The following GSDMC variants were observed in gnomAD, a reference collection of about 807,000 sequenced individuals.
The protein encoded by GSDMC is gasdermin-C.
GSDMC carries 59 observed loss-of-function variants against 58.0 expected under a neutral mutation model. That is an observed-to-expected ratio of 1.02 (90% CI 0.82 to 1.26). The LOEUF (loss-of-function observed/expected upper bound fraction) is 1.26, where lower values mean the gene tolerates loss of function less well. GSDMC is among the 50% of genes most tolerant of loss of function. GSDMC has a pLI of 0.00. For synonymous variants in GSDMC, 241 were observed against 220.2 expected (o/e 1.09, Z -0.83); for missense variants, 659 against 598.5 (o/e 1.10, Z -1.06).
At chr8:129,719,367 T>C in the GSDMC span, among the ~76,000 whole-genome samples, 13 of 152,132 alleles carry the variant, frequency 8.5e-5, no homozygotes, top group Non-Finnish European at 1.0e-4. Context: ...AATTTCAAAA[T>C]ACCTGAAGTA....
intron 2 of GSDMC, 64 bp from the exon 3 acceptor site, chr8:129,776,349 C>G: frequency 7.7e-7 from 1 of 1,290,444 alleles, no homozygotes; most frequent in Non-Finnish European, 1.1e-6. Context: ...AAAGGTTTAG[C>G]CAAGAACAGC....
intron 1 of GSDMC, among the ~76,000 whole-genome samples, chr8:129,782,426 T>A (rs2034441433): frequency 6.6e-6 from 1 of 151,648 alleles, no homozygotes; most frequent in Non-Finnish European, 1.5e-5. Context: ...GAAATGAAAG[T>A]TGCTTTGTTG....
the GSDMC span, among the ~76,000 whole-genome samples, chr8:129,732,787 G>T: frequency 1.3e-5 from 2 of 152,196 alleles, no homozygotes; most frequent in African/African-American, 2.4e-5. Context: ...TGAGGTACCT[G>T]GTTCATCTCA....
intron 5 of GSDMC, 87 bp from the exon 6 acceptor site, chr8:129,760,676 C>A: frequency 1.4e-6 from 1 of 736,512 alleles, no homozygotes; most frequent in Non-Finnish European, 2.4e-6. Context: ...ATCAAAACCA[C>A]TGGGATGCCT....
rs191148198 is a variant in GSDMC, at chr8:129,783,131, G to A, written c.-5+2880C>T. ...CCACGTGATCATTTCCATTAATGCT[G>A]AAAAAGCACTTGATAAAACTCAATA... On this transcript the variant is annotated intron_variant, in intron 1 of 13. Transcript: ENST00000276708. Among the ~76,000 whole-genome samples the A allele has an allele frequency of 1.7e-3, 266 of 152,172 alleles. 2 individuals carry two copies. Among genetic ancestry groups the A allele is most frequent in the African/African-American group, 6.0e-3 (249 of 41,524 alleles).
At chr8:129,761,119 G>T (rs143360603) in intron 5 of GSDMC, among the ~76,000 whole-genome samples, 1 of 152,154 alleles carries the variant, frequency 6.6e-6, no homozygotes, top group African/African-American at 2.4e-5. Flanking sequence ...GACTACTAGC[G>T]GGGAGAGTGG....
chr8:129,762,508 T>C lies in GSDMC; in HGVS notation c.676+118A>G, dbSNP rs190604232. 1.5e-5 allele frequency: 11 copies of C among 728,942 alleles called. No homozygotes were observed. In the East Asian group the frequency reaches 2.7e-4, roughly 18 times the overall value. 45.2% of individuals were successfully genotyped at this position (728,942 alleles called of 1,614,324 possible). On this transcript the variant is annotated intron_variant, in intron 5 of 13. Transcript: ENST00000276708. ...CAGTAAGAAATGTGCATGCTTCTCC[T>C]TGGATAGGCAGAGCATCAAAGGTTG... is the stretch of plus-strand genomic sequence containing the variant.
At chr8:129,768,114 C>T (rs934152095) in intron 3 of GSDMC, among the ~76,000 whole-genome samples, 2 of 152,194 alleles carry the variant, frequency 1.3e-5, no homozygotes, top group African/African-American at 4.8e-5. Flanking sequence ...GCACAGCCAG[C>T]AGTTCCACCT....
intron 1 of GSDMC, 70 bp from the exon 2 acceptor site, chr8:129,777,661 A>C (rs954619755): frequency 1.4e-5 from 11 of 803,718 alleles, no homozygotes; most frequent in South Asian, 1.1e-4. Flanking sequence ...CCAATTATTG[A>C]TATTTCCCCT....
the GSDMC span, among the ~76,000 whole-genome samples, chr8:129,732,074 G>A: frequency 6.6e-6 from 1 of 152,140 alleles, no homozygotes; most frequent in East Asian, 1.9e-4. Context: ...GCATCAAGAG[G>A]TGGGGCCTTT....
the GSDMC span, among the ~76,000 whole-genome samples, chr8:129,742,634 G>T: frequency 1.3e-5 from 2 of 152,146 alleles, no homozygotes; most frequent in Admixed American, 6.5e-5. Context: ...TTCTTAGGCT[G>T]TTCTTGGGTT....
chr8:129,778,044 C>A (rs1244736789), intron 1 of GSDMC, among the ~76,000 whole-genome samples: 1 of 152,116 alleles, frequency 6.6e-6, no homozygotes, highest in East Asian at 1.9e-4. Flanking sequence ...ATACTGTCAT[C>A]AACTAAAGGG....
intron 3 of GSDMC, among the ~76,000 whole-genome samples, chr8:129,774,763 A>T (rs914630478): frequency 1.2e-4 from 18 of 152,198 alleles, no homozygotes; most frequent in African/African-American, 3.9e-4. Context: ...AAAATGGGCA[A>T]AGGACCTAAA....
intron 1 of GSDMC, among the ~76,000 whole-genome samples, chr8:129,780,624 G>A (rs2034376240): frequency 6.6e-6 from 1 of 152,130 alleles, no homozygotes; most frequent in Admixed American, 6.5e-5. Flanking sequence ...CACCAAACCT[G>A]TCTTACGAGA....
Position 129,749,445 on chromosome 8 carries a change from T to A in GSDMC, c.1287+7A>T. The A allele has an allele frequency of 6.2e-7, 1 of 1,605,096 alleles. No individual in the cohort carries two copies. The highest frequency in any genetic ancestry group is 2.2e-5 in the East Asian group (1 of 44,822). On this transcript the variant is annotated splice_region_variant and intron_variant, in intron 13 of 13. Coordinates refer to ENST00000276708, the MANE Select transcript of GSDMC (RefSeq NM_031415.3). ...CCCTGAACTTCTGGCCCCTGGGAAG[T>A]TCTCACCAGCTCCTGTTGCTGAAGC...
Position 129,760,476 on chromosome 8 carries a change from T to TATAA in GSDMC, c.721+65_721+68dup, listed in dbSNP as rs369353237. On this transcript the variant is annotated intron_variant, in intron 6 of 13. Coordinates refer to ENST00000276708, the MANE Select transcript of GSDMC (RefSeq NM_031415.3). ...CTGTATCAAAACATCTCATGTACCT[T>TATAA]ATAAATATACATACCTCCCATGTAC... The TATAA allele has an allele frequency of 2.7e-3, 2,351 of 862,768 alleles. 38 individuals carry two copies. The African/African-American group carries it at 0.029, about 11-fold the overall frequency. The allele number at this position is 862,768 out of a possible 1,614,324, so 53.4% of individuals were successfully genotyped here.
intron 6 of GSDMC, 76 bp downstream of exon 6, chr8:129,760,469 T>C (rs1308449905): frequency 7.4e-6 from 6 of 808,768 alleles, no homozygotes; most frequent in Non-Finnish European, 1.2e-5. Context: ...AAACATCTCA[T>C]GTACCTTATA....
At chr8:129,749,853 T>G (rs2033102207) in intron 12 of GSDMC, 137 bp downstream of exon 12, 5 of 707,804 alleles carry the variant, frequency 7.1e-6, no homozygotes, top group Middle Eastern at 3.6e-4. Context: ...CCCTCTGACC[T>G]TAGAGAGAGC....
At chr8:129,709,351 C>T in the GSDMC span, among the ~76,000 whole-genome samples, 9,527 of 152,144 alleles carry the variant, frequency 0.063, 514 homozygotes, top group East Asian at 0.25. Context: ...CCTGACACAT[C>T]AGAGGCACAC....
Sources: gnomAD v4.1 joint callset for allele counts (sites outside exome capture counted in the v4.1 genomes callset) on GRCh38, gnomAD v4.1.1 for gene constraint, MANE v1.5 for transcripts, NCBI Gene and HGNC (gene_info 2026-07-23, HGNC 2026-07-21) for gene names.